The following THOC7 variants were observed in gnomAD, a reference collection of about 807,000 sequenced individuals.
THOC7 encodes the protein THO complex subunit 7, also known as NIF3L1-binding protein 1.
In THOC7, 22 loss-of-function variants were observed where a neutral mutation model predicts 33.1. The observed-to-expected ratio is 0.66, with a 90% CI of 0.47 to 0.95. THOC7 has a LOEUF of 0.95. Among genes scored for constraint, THOC7 ranks in the 40% least tolerant of loss-of-function variants. The pLI is 0.00. For missense variants in THOC7, 184 were observed against 245.3 expected, an observed-to-expected ratio of 0.75 and a Z score of 1.67; for synonymous variants, 77 against 76.8, an observed-to-expected ratio of 1.00 and a Z score of -0.01.
In THOC7 at chr3:63,835,487, T is replaced by TA. The variant is rs1034646319; in HGVS notation, c.411-98dup. ...AAGTTACTAGATAGGATTTTTAAAA[T>TA]AAAAAAAGGGCTTATAAGGAGTTAT... is the stretch of plus-strand genomic sequence containing the variant. On this transcript the variant is annotated intron_variant, in intron 5 of 7. Coordinates refer to ENST00000295899, the MANE Select transcript of THOC7 (RefSeq NM_025075.4). 2.7e-6 allele frequency: 3 copies of TA among 1,097,412 alleles called. No individual in the cohort carries two copies. The African/African-American group carries it at 4.8e-5, about 17-fold the overall frequency. 68.0% of individuals were successfully genotyped at this position (1,097,412 alleles called of 1,614,324 possible).
At chr3:63,860,692 C>T (rs1034407870) in intron 1 of THOC7, 10 of 152,192 alleles carry the variant, frequency 6.6e-5, no homozygotes, top group Admixed American at 4.6e-4. Context: ...AGGATCACCC[C>T]ACTTCTGACT....
Position 63,838,416 on chromosome 3 carries a change from TTCATA to T in THOC7, c.216_220del (p.Asp72GlufsTer9). 1 of 1,590,742 alleles carries T rather than the reference TTCATA, an allele frequency of 6.3e-7. No individual in the cohort carries two copies. ...TTCATAATTTTCCATTTCTCTGAGATTCATATCATATACTAGTAAAGTTTTGCCCA... is the reference window on the plus strand; with the variant it reads ...TTCATAATTTTCCATTTCTCTGAGATTCATATACTAGTAAAGTTTTGCCCA... On this transcript the variant is annotated frameshift_variant, in exon 3 of 8. Coordinates refer to ENST00000295899, the MANE Select transcript of THOC7 (RefSeq NM_025075.4). LOFTEE classifies it high-confidence loss of function.
intron 5 of THOC7, 126 bp from the exon 6 acceptor site, chr3:63,835,516 A>G: frequency 1.4e-6 from 1 of 697,050 alleles, no homozygotes; most frequent in East Asian, 2.8e-5. Context: ...GAGTTATAAC[A>G]CTCCATTATG....
chr3:63,839,711 T>A lies in THOC7; in HGVS notation c.82A>T (p.Asn28Tyr). 1 of 1,612,906 alleles carries A rather than the reference T, an allele frequency of 6.2e-7. No homozygotes were observed. Among genetic ancestry groups the A allele is most frequent in the Non-Finnish European group, 8.5e-7 (1 of 1,179,968 alleles). The change falls in exon 2 of 8, where the codon AAT (asparagine) becomes TAT (tyrosine). Residue 28 changes from asparagine to tyrosine, a missense_variant. Asn to Tyr is a moderately radical substitution (Grantham distance 143). This residue lies in a region of THOC7 where 157 missense variants were observed against 201.3 expected (regional missense o/e 0.78). Coordinates refer to ENST00000295899, the MANE Select transcript of THOC7 (RefSeq NM_025075.4). ...TTAATGAAACTCTTCACTAGCAGAT[T>A]AATTCTCCGATCATCTCCAGCACCA... is the stretch of plus-strand genomic sequence containing the variant. ...GDGAGDDRRI[N>Y]LLVKSFIKWC... is the part of the protein sequence containing the mutation.
At position 63,835,407 on chromosome 3, in the gene THOC7, A is replaced by G. The variant is rs62253803; in HGVS notation, c.411-17T>C. The G allele has an allele frequency of 0.051, 82,189 of 1,611,460 alleles. 2,411 individuals carry two copies. The highest frequency in any genetic ancestry group is 0.085 in the Admixed American group (5,067 of 59,908). ...TCTAGTTCCCTGGAAATAATAAAAC[A>G]GTGTTACATTTTGCTGAATGGGGGA... On this transcript the variant is annotated splice_polypyrimidine_tract_variant and intron_variant, in intron 5 of 7. Coordinates refer to ENST00000295899, the MANE Select transcript of THOC7 (RefSeq NM_025075.4).
rs530373912 is a variant in THOC7 at position 63,859,339 on chromosome 3, C to A, written c.19+4433G>T. On this transcript the variant is annotated intron_variant, in intron 1 of 7. Transcript: ENST00000295899. The stretch of plus-strand genomic sequence containing the variant: ...GACAATTCAGTCTCCTTTCCAAAGC[C>A]TGCAAGGCTCCTCCTGAGCTCCCTT... Among the ~76,000 whole-genome samples the A allele has an allele frequency of 3.3e-5, 5 of 152,348 alleles. No homozygotes were observed. The East Asian group carries it at 9.7e-4, about 29-fold the overall frequency.
chr3:63,843,733 C>T (rs844262), intron 1 of THOC7, among the ~76,000 whole-genome samples: 152,185 of 152,188 alleles, frequency 1, 76,091 homozygotes, highest in Middle Eastern at 1. Flanking sequence ...ACTCTGTCTC[C>T]ACTAAAAATA....
In THOC7 at chr3:63,839,771, C is replaced by T. The variant is rs748402561; in HGVS notation, c.22G>A (p.Glu8Lys). 4 of 1,613,148 alleles carry T rather than the reference C, an allele frequency of 2.5e-6. No homozygotes were observed. The highest frequency in any genetic ancestry group is 1.3e-5 in the African/African-American group (1 of 74,986). The change falls in exon 2 of 8, where the codon GAA becomes AAA. Residue 8 changes from glutamate (E) to lysine (K), a missense_variant and splice_region_variant. Transcript: ENST00000295899. MGAVTDD[E>K]VIRKRLLIDG... ...ATGAGGAGACGCTTCCGTATAACTT[C>T]GTCTGCAGGAAAGAAGGGCAATGTT...
intron 1 of THOC7, among the ~76,000 whole-genome samples, chr3:63,857,637 G>A (rs138974350): frequency 1.3e-3 from 205 of 152,280 alleles, no homozygotes; most frequent in Middle Eastern, 3.4e-3. Flanking sequence ...ATATTAAGGA[G>A]ACACATAAAA....
At chr3:63,842,214 A>C (rs566570579) in intron 1 of THOC7, among the ~76,000 whole-genome samples, 97 of 152,324 alleles carry the variant, frequency 6.4e-4, no homozygotes, top group African/African-American at 2.2e-3. Flanking sequence ...ATATGAAAAA[A>C]TTCTCAACAT....
At chr3:63,845,074 C>A in intron 1 of THOC7, 2 of 698,172 alleles carry the variant, frequency 2.9e-6, no homozygotes, top group Non-Finnish European at 5.2e-6. Context: ...TTGAGGAACA[C>A]AGGAAAAGGT....
chr3:63,858,796 G>T (rs1011106776), intron 1 of THOC7, among the ~76,000 whole-genome samples: 1 of 152,202 alleles, frequency 6.6e-6, no homozygotes, highest in Non-Finnish European at 1.5e-5. Context: ...CTGTGTGACT[G>T]CAAGTCACTA....
chr3:63,854,469 G>A (rs2107158546), intron 1 of THOC7: 1 of 152,278 alleles, frequency 6.6e-6, no homozygotes, highest in Admixed American at 6.5e-5. Context: ...GGTCTATCCT[G>A]TAAAAACAGT....
chr3:63,851,971 G>T (rs530343246), intron 1 of THOC7, among the ~76,000 whole-genome samples: 1 of 152,256 alleles, frequency 6.6e-6, no homozygotes, highest in Non-Finnish European at 1.5e-5. Context: ...TTGGAGGACT[G>T]ACCTAGGGTG....
intron 1 of THOC7, chr3:63,863,092 T>C (rs1196238556): frequency 6.6e-6 from 1 of 152,604 alleles, no homozygotes; most frequent in Non-Finnish European, 1.5e-5. Flanking sequence ...ACCCTCCGGA[T>C]ACCTCATCCC....
rs183018418 is a variant in THOC7 at position 63,841,348 on chromosome 3, A to G, written c.20-1575T>C. ...AGGTGGGAAAAGATAATTTTCCTGC[A>G]TGTCTTTGTAGAATTTGGGGGGTTT... On this transcript the variant is annotated intron_variant, in intron 1 of 7. Transcript: ENST00000295899. Among the ~76,000 whole-genome samples the G allele has an allele frequency of 2.6e-4, 39 of 152,324 alleles. No homozygotes were observed. In the East Asian group the frequency reaches 6.9e-3, roughly 27 times the overall value.
At chr3:63,834,511 T>C (rs1386062659) in intron 7 of THOC7, among the ~76,000 whole-genome samples, 1 of 151,800 alleles carries the variant, frequency 6.6e-6, no homozygotes, top group African/African-American at 2.4e-5. Flanking sequence ...AATACTAAAA[T>C]TAGCTGGGTG....
intron 5 of THOC7, among the ~76,000 whole-genome samples, chr3:63,835,661 G>A (rs1701617207): frequency 6.6e-6 from 1 of 152,010 alleles, no homozygotes; most frequent in African/African-American, 2.4e-5. Flanking sequence ...CCCAAGAAAT[G>A]ATACATATTG....
chr3:63,848,467 T>C (rs1374203390), intron 1 of THOC7: 9 of 152,224 alleles, frequency 5.9e-5, no homozygotes, highest in Admixed American at 5.2e-4. Flanking sequence ...TGCTTTTCTG[T>C]ACTGAACCAA....
Sources: gnomAD v4.1 joint callset for allele counts (sites outside exome capture counted in the v4.1 genomes callset) on GRCh38, gnomAD v4.1.1 for gene constraint, gnomAD v4.1.1 regional missense constraint, MANE v1.5 for transcripts, NCBI Gene and HGNC (gene_info 2026-07-23, HGNC 2026-07-21) for gene names.